The following XPNPEP3 variants were observed in gnomAD, a reference collection of about 807,000 sequenced individuals.
XPNPEP3 encodes xaa-Pro aminopeptidase 3.
Under a neutral mutation model 60.0 loss-of-function variants are expected in XPNPEP3, and 41 were observed. That is an observed-to-expected ratio of 0.68 (90% confidence interval 0.53 to 0.89). The LOEUF (loss-of-function observed/expected upper bound fraction) is 0.89, where lower values mean the gene tolerates loss of function less well. Among genes scored for constraint, XPNPEP3 ranks in the 40% least tolerant of loss-of-function variants. The probability of loss-of-function intolerance (pLI) is 0.00; values close to 1 mark genes in which losing one functional copy is unlikely to be tolerated. For missense variants in XPNPEP3, 598 were observed against 638.9 expected (o/e 0.94, Z 0.69); for synonymous variants, 212 against 223.2 (o/e 0.95, Z 0.45).
At chr22:40,891,967 C>T (rs1005063803) in intron 4 of XPNPEP3, among the ~76,000 whole-genome samples, 2 of 152,108 alleles carry the variant, frequency 1.3e-5, no homozygotes, top group Non-Finnish European at 2.9e-5. Context: ...ACCTTGGACT[C>T]CATTTAAATT....
intron 4 of XPNPEP3, among the ~76,000 whole-genome samples, chr22:40,903,705 G>A (rs927442172): frequency 2.6e-5 from 4 of 152,072 alleles, no homozygotes; most frequent in African/African-American, 7.2e-5. Flanking sequence ...GGCCAAGCAG[G>A]TCTTGAACTC....
At chr22:40,862,026 G>A (rs2057953085) in intron 1 of XPNPEP3, 1 of 1,552,908 alleles carries the variant, frequency 6.4e-7, no homozygotes, top group African/African-American at 1.4e-5. Flanking sequence ...TGGGTGTGCT[G>A]GGTATTGAGA....
chr22:40,891,373 A>G (rs540171598), intron 4 of XPNPEP3, among the ~76,000 whole-genome samples: 1 of 151,292 alleles, frequency 6.6e-6, no homozygotes, highest in South Asian at 2.1e-4. Flanking sequence ...TACATGGTTT[A>G]GCTGGGCGTG....
chr22:40,860,798 A>G (rs103197), intron 1 of XPNPEP3: 354,090 of 635,862 alleles, frequency 0.56, 103,845 homozygotes, highest in African/African-American at 0.83. Context: ...CTACAGGTGC[A>G]CACCACCACA....
rs1046078702 is a variant in XPNPEP3 at position 40,926,398 on chromosome 22, T to C, written c.1487T>C (p.Met496Thr). 2 of 1,614,170 alleles carry C rather than the reference T, an allele frequency of 1.2e-6. No homozygotes were observed. The highest frequency in any genetic ancestry group is 1.7e-6 in the Non-Finnish European group (2 of 1,180,034). ...CTTTCTGCAGACTGTCCCAAAGAGATGAATGACATTGAACAGATATGCAGC... is the reference window on the plus strand; with the variant it reads ...CTTTCTGCAGACTGTCCCAAAGAGACGAATGACATTGAACAGATATGCAGC... ...LILSADCPKE[M>T]NDIEQICSQA... Residue 496 changes from methionine to threonine, a missense_variant, in exon 10 of 10, where the codon ATG (methionine) becomes ACG (threonine). Met to Thr is a moderately conservative substitution (Grantham distance 81). Coordinates refer to ENST00000357137, the MANE Select transcript of XPNPEP3 (RefSeq NM_022098.4).
chr22:40,860,992 G>A lies in XPNPEP3; in HGVS notation c.64+3747G>A, dbSNP rs927753950. 7 of 1,397,506 alleles carry A rather than the reference G, an allele frequency of 5.0e-6. No homozygotes were observed. The Admixed American group carries it at 1.4e-4, about 27-fold the overall frequency. 86.6% of individuals were successfully genotyped at this position (1,397,506 alleles called of 1,614,324 possible). ...AAAAGCTCTTAGTATAGTATTAAGT[G>A]TTATCTACAAAATTTGTGATTAACC... On this transcript the variant is annotated intron_variant, in intron 1 of 9. Coordinates refer to ENST00000357137, the MANE Select transcript of XPNPEP3 (RefSeq NM_022098.4).
chr22:40,863,715 C>T (rs2057963587), intron 1 of XPNPEP3, among the ~76,000 whole-genome samples: 2 of 152,192 alleles, frequency 1.3e-5, no homozygotes, highest in South Asian at 4.1e-4. Context: ...CCCTCTGAGT[C>T]ACACTGTAGC....
chr22:40,867,015 G>A (rs2057981783), intron 1 of XPNPEP3, among the ~76,000 whole-genome samples: 1 of 152,192 alleles, frequency 6.6e-6, no homozygotes, highest in African/African-American at 2.4e-5. Context: ...TGGAGAAGGT[G>A]CAGGAGGAGA....
Position 40,907,662 on chromosome 22 carries a change from T to C in XPNPEP3, c.855+13T>C. 2 of 1,612,212 alleles carry C rather than the reference T, an allele frequency of 1.2e-6. No homozygotes were observed. The highest frequency in any genetic ancestry group is 1.7e-6 in the Non-Finnish European group (2 of 1,178,340). ...TCTTTATGCTAAGGTGAGATTCAGA[T>C]GGTTAGCTTCACCATCTTGTTGGAG... is the stretch of plus-strand genomic sequence containing the variant. On this transcript the variant is annotated intron_variant, in intron 5 of 9. Coordinates refer to ENST00000357137, the MANE Select transcript of XPNPEP3 (RefSeq NM_022098.4).
chr22:40,866,280 A>G (rs964335217), intron 1 of XPNPEP3, among the ~76,000 whole-genome samples: 2 of 152,084 alleles, frequency 1.3e-5, no homozygotes, highest in African/African-American at 4.8e-5. Flanking sequence ...GATTGTTCAT[A>G]GTAGACTGGC....
chr22:40,875,216 C>G (rs2058023097), intron 2 of XPNPEP3, among the ~76,000 whole-genome samples: 1 of 151,994 alleles, frequency 6.6e-6, no homozygotes, highest in African/African-American at 2.4e-5. Context: ...TGCTCTGTCT[C>G]CCAGGCTAAA....
intron 4 of XPNPEP3, among the ~76,000 whole-genome samples, chr22:40,893,071 A>G (rs1197550247): frequency 6.8e-6 from 1 of 147,956 alleles, no homozygotes; most frequent in African/African-American, 2.5e-5. Context: ...TAAATTTGAA[A>G]TATTATTTAT....
Position 40,929,909 on chromosome 22 carries a change from G to T in XPNPEP3, c.*3474G>T, listed in dbSNP as rs1004453068. On this transcript the variant is annotated 3_prime_UTR_variant, in exon 10 of 10. Coordinates refer to ENST00000357137, the MANE Select transcript of XPNPEP3 (RefSeq NM_022098.4). ...ATCAAATAATTTTATTTTTCTAATA[G>T]TATTTTCCAAATATTTCTTAAAATT... 1 of 152,030 alleles carries T rather than the reference G, an allele frequency of 6.6e-6. No homozygotes were observed. Among genetic ancestry groups the T allele is most frequent in the Non-Finnish European group, 1.5e-5 (1 of 68,010 alleles). The allele number at this position is 152,030 out of a possible 1,614,324, so 9.4% of individuals were successfully genotyped here. A position where few individuals can be genotyped will look rare whatever the true frequency, so the allele number is the denominator to read the frequency against.
At chr22:40,926,008 C>T (rs935780343) in intron 9 of XPNPEP3, among the ~76,000 whole-genome samples, 4 of 151,996 alleles carry the variant, frequency 2.6e-5, no homozygotes, top group Admixed American at 6.6e-5. Flanking sequence ...TCAGCATTGC[C>T]GTAGTTGTAT....
chr22:40,911,690 C>T (rs552406299), intron 6 of XPNPEP3, among the ~76,000 whole-genome samples: 1 of 152,068 alleles, frequency 6.6e-6, no homozygotes, highest in African/African-American at 2.4e-5. Flanking sequence ...ATTACAGGCG[C>T]CCACCATGCC....
chr22:40,931,180 T>A lies in XPNPEP3; in HGVS notation c.*4745T>A, dbSNP rs1433728596. ...AGTTCTAAGTATAATAAATAATATA[T>A]ATACCAGGCATTCCTATTAAAAATC... On this transcript the variant is annotated 3_prime_UTR_variant, in exon 10 of 10. Coordinates refer to ENST00000357137, the MANE Select transcript of XPNPEP3 (RefSeq NM_022098.4). The A allele has an allele frequency of 6.6e-6, 1 of 152,110 alleles. No homozygotes were observed. The highest frequency in any genetic ancestry group is 2.4e-5 in the African/African-American group (1 of 41,416). 9.4% of individuals were successfully genotyped at this position (152,110 alleles called of 1,614,324 possible).
intron 4 of XPNPEP3, among the ~76,000 whole-genome samples, chr22:40,890,374 C>A (rs1041933382): frequency 1.3e-5 from 2 of 151,514 alleles, no homozygotes; most frequent in African/African-American, 4.9e-5. Flanking sequence ...ATGGAGAGAC[C>A]CCCCCATCTC....
chr22:40,914,364 G>T (rs1353549965), intron 7 of XPNPEP3, 40 bp downstream of exon 7: 7 of 1,531,556 alleles, frequency 4.6e-6, no homozygotes, highest in Non-Finnish European at 6.3e-6. Flanking sequence ...CTGCTTCTTA[G>T]GAGTATGAGT....
chr22:40,886,205 C>A, intron 3 of XPNPEP3, 108 bp from the exon 4 acceptor site: 1 of 1,100,140 alleles, frequency 9.1e-7, no homozygotes, highest in Non-Finnish European at 1.4e-6. Flanking sequence ...TAGAGTTCCA[C>A]GTTACAGGTT....
Sources: allele counts gnomAD v4.1 joint callset (sites outside exome capture counted in the v4.1 genomes callset), GRCh38; gene constraint gnomAD v4.1.1; transcripts MANE v1.5; gene names NCBI Gene and HGNC (gene_info 2026-07-23, HGNC 2026-07-21).